The following BEND4 variants were observed in gnomAD, a reference collection of about 807,000 sequenced individuals.
BEND4 encodes BEN domain-containing protein 4.
BEND4 carries 27 observed loss-of-function variants against 54.7 expected under a neutral mutation model. The observed-to-expected ratio is 0.49, with a 90% CI of 0.36 to 0.68. BEND4 has a LOEUF of 0.68. Among genes scored for constraint, BEND4 ranks in the 30% least tolerant of loss-of-function variants. The pLI is 0.00. For synonymous variants in BEND4, 327 were observed against 299.5 expected (o/e 1.09, Z -0.95); for missense variants, 702 against 697.2 (o/e 1.01, Z -0.08).
chr4:42,150,235 C>A (rs1313091228), intron 2 of BEND4, among the ~76,000 whole-genome samples: 1 of 152,070 alleles, frequency 6.6e-6, no homozygotes, highest in Non-Finnish European at 1.5e-5. Context: ...GGAGGAAAAT[C>A]AAGTGAGCCA....
rs904472377 is a variant in BEND4, at chr4:42,116,845, T to C, written c.*673A>G. On this transcript the variant is annotated 3_prime_UTR_variant, in exon 6 of 6. Transcript: ENST00000502486. ...TCTTTGGATGTTTCTTGACTAACAATGAAAAATGACTACTGTTTGTAAACT... is the reference window on the plus strand; with the variant it reads ...TCTTTGGATGTTTCTTGACTAACAACGAAAAATGACTACTGTTTGTAAACT... The C allele has an allele frequency of 1.3e-5, 2 of 152,198 alleles. No homozygotes were observed. The highest frequency in any genetic ancestry group is 2.1e-4 in the South Asian group (1 of 4,836). 9.4% of individuals were successfully genotyped at this position (152,198 alleles called of 1,614,324 possible).
intron 5 of BEND4, among the ~76,000 whole-genome samples, chr4:42,118,075 T>G (rs779248987): frequency 3.0e-4 from 46 of 152,174 alleles, no homozygotes; most frequent in Non-Finnish European, 5.7e-4. Flanking sequence ...AAAACCCAAG[T>G]TGTTACCTGC....
intron 2 of BEND4, among the ~76,000 whole-genome samples, chr4:42,148,041 C>G (rs1215522325): frequency 6.6e-6 from 1 of 152,066 alleles, no homozygotes; most frequent in African/African-American, 2.4e-5. Flanking sequence ...AATGCAGAAG[C>G]AGAAATTTTT....
chr4:42,117,528 G>T lies in BEND4; in HGVS notation c.1595C>A (p.Ser532Tyr), dbSNP rs187366202. 3.0e-5 allele frequency: 49 copies of T among 1,609,410 alleles called. No homozygotes were observed. The East Asian group carries it at 1.1e-3, about 36-fold the overall frequency. Reference sequence around the variant, plus strand: ...GGAAGATTCTGTCCACTAATCCCCAGATCCATCCTGGGAACTTTTATTGAA... The same window carrying T: ...GGAAGATTCTGTCCACTAATCCCCATATCCATCCTGGGAACTTTTATTGAA... ...EVFNKSSQDG[S>Y]GD Residue 532 changes from serine to tyrosine, a missense_variant, in exon 6 of 6, where the codon TCT (serine) becomes TAT (tyrosine). Physicochemically the swap from Ser to Tyr is moderately radical, Grantham distance 144 (BLOSUM62 -2). Coordinates refer to ENST00000502486, the MANE Select transcript of BEND4 (RefSeq NM_207406.4).
chr4:42,141,258 A>C (rs1170804654), intron 3 of BEND4, among the ~76,000 whole-genome samples: 2 of 152,226 alleles, frequency 1.3e-5, no homozygotes, highest in African/African-American at 4.8e-5. Context: ...CACTTAATCT[A>C]ATTCCAAAAT....
At chr4:42,123,710 A>AAAAAAC (rs1720157632) in intron 4 of BEND4, among the ~76,000 whole-genome samples, 1 of 151,324 alleles carries the variant, frequency 6.6e-6, no homozygotes, top group African/African-American at 2.4e-5. Context: ...AAAAAAAAAA[A>AAAAAAC]AAAAAAACAA....
chr4:42,141,056 C>T (rs532949520), intron 3 of BEND4, among the ~76,000 whole-genome samples: 3 of 152,306 alleles, frequency 2.0e-5, no homozygotes, highest in East Asian at 1.9e-4. Context: ...AACCATGTCT[C>T]GGACTTGGGG....
Position 42,115,118 on chromosome 4 carries a change from A to G in BEND4, c.*2400T>C, listed in dbSNP as rs77163218. 6.6e-6 allele frequency: 1 copy of G among 152,298 alleles called. No homozygotes were observed. Among genetic ancestry groups the G allele is most frequent in the Non-Finnish European group, 1.5e-5 (1 of 68,072 alleles). The allele number at this position is 152,298 out of a possible 1,614,324, so 9.4% of individuals were successfully genotyped here. On this transcript the variant is annotated 3_prime_UTR_variant, in exon 6 of 6. Coordinates refer to ENST00000502486, the MANE Select transcript of BEND4 (RefSeq NM_207406.4). ...AGTATGGAGTCTGTCAGCCTTGTGC[A>G]AAAGAGATGCCCAACAATTAGTCTC... is the stretch of plus-strand genomic sequence containing the variant.
In BEND4 at chr4:42,152,006, C is replaced by T; in HGVS notation, c.138G>A (p.Leu46=). 1 of 1,253,620 alleles carries T rather than the reference C, an allele frequency of 8.0e-7. No individual in the cohort carries two copies. The highest frequency in any genetic ancestry group is 1.0e-6 in the Non-Finnish European group (1 of 993,598). 77.7% of individuals were successfully genotyped at this position (1,253,620 alleles called of 1,614,324 possible). A position where few individuals can be genotyped will look rare whatever the true frequency, so the allele number is the denominator to read the frequency against. Residue 46 remains leucine, a synonymous_variant, in exon 2 of 6, where the codon CTG becomes CTA. Coordinates refer to ENST00000502486, the MANE Select transcript of BEND4 (RefSeq NM_207406.4). ...GCGCCCGCACGTGCGGCAGCTCCAC[C>T]AGGGTGGGTCGCTCGTAGCGCTTGG... The part of the protein sequence containing the change: ...ALAKRYERPT[L]VELPHVRAPP...
rs1469739492 is a variant in BEND4 at position 42,113,924 on chromosome 4, G to C, written c.*3594C>G. On this transcript the variant is annotated 3_prime_UTR_variant, in exon 6 of 6. Transcript: ENST00000502486. Reference sequence around the variant, plus strand: ...AGCTTAATGAAACATAAATGGTAACGGTCACCTAAATGCTGTGGTGGAATG... The same window carrying C: ...AGCTTAATGAAACATAAATGGTAACCGTCACCTAAATGCTGTGGTGGAATG... 6.6e-6 allele frequency: 1 copy of C among 152,096 alleles called. No homozygotes were observed. The highest frequency in any genetic ancestry group is 1.5e-5 in the Non-Finnish European group (1 of 68,022). The allele number at this position is 152,096 out of a possible 1,614,324, so 9.4% of individuals were successfully genotyped here.
At chr4:42,128,861 G>A (rs959990826) in intron 3 of BEND4, among the ~76,000 whole-genome samples, 1 of 152,010 alleles carries the variant, frequency 6.6e-6, no homozygotes, top group South Asian at 2.1e-4. Flanking sequence ...GCGTGAACTC[G>A]GGAGGCGGAG....
At chr4:42,151,482 G>A in intron 2 of BEND4, 175 bp downstream of exon 2, 1 of 597,020 alleles carries the variant, frequency 1.7e-6, no homozygotes, top group Non-Finnish European at 2.5e-6. Context: ...AGGCGCGGCG[G>A]CGCTGGAGAA....
intron 2 of BEND4, among the ~76,000 whole-genome samples, chr4:42,146,167 GC>G (rs1721075029): frequency 6.6e-6 from 1 of 152,130 alleles, no homozygotes; most frequent in Non-Finnish European, 1.5e-5. Context: ...CACTCAAACT[GC>G]TTTAAAGATC....
At chr4:42,125,200 A>G (rs1293395419) in intron 4 of BEND4, among the ~76,000 whole-genome samples, 6 of 152,194 alleles carry the variant, frequency 3.9e-5, no homozygotes, top group African/African-American at 7.2e-5. Flanking sequence ...GAAAATGCCT[A>G]TCTGCACACT....
intron 2 of BEND4, among the ~76,000 whole-genome samples, chr4:42,144,294 GAACTCA>G (rs1338158937): frequency 6.6e-6 from 1 of 152,160 alleles, no homozygotes; most frequent in Admixed American, 6.5e-5. Flanking sequence ...GCACAGGTCT[GAACTCA>G]CACCTTTGGT....
Position 42,111,069 on chromosome 4 carries a change from C to T in BEND4, c.*6449G>A, listed in dbSNP as rs1484779756. ...AATAATTGGCTCTAGTAACAAATGTCTCTTATAATTAAAAATATTGAATGT... is the reference window on the plus strand; with the variant it reads ...AATAATTGGCTCTAGTAACAAATGTTTCTTATAATTAAAAATATTGAATGT... On this transcript the variant is annotated 3_prime_UTR_variant, in exon 6 of 6. Coordinates refer to ENST00000502486, the MANE Select transcript of BEND4 (RefSeq NM_207406.4). 1 of 152,144 alleles carries T rather than the reference C, an allele frequency of 6.6e-6. No individual in the cohort carries two copies. The highest frequency in any genetic ancestry group is 1.5e-5 in the Non-Finnish European group (1 of 68,020). The allele number at this position is 152,144 out of a possible 1,614,324, so 9.4% of individuals were successfully genotyped here.
In BEND4 at chr4:42,120,172, G is replaced by A; in HGVS notation, c.1269C>T (p.Phe423=). ...RLLRYLIRFV[F]TTDELKYSCG... ...ATGAGTACTTAAGCTCATCGGTTGT[G>A]AAAACAAATCTGATGAGGTATCGAA... Residue 423 remains phenylalanine, a synonymous_variant, in exon 5 of 6, where the codon TTC becomes TTT. Transcript: ENST00000502486. 1 of 1,613,980 alleles carries A rather than the reference G, an allele frequency of 6.2e-7. No individual in the cohort carries two copies. The highest frequency in any genetic ancestry group is 8.5e-7 in the Non-Finnish European group (1 of 1,179,894).
intron 3 of BEND4, among the ~76,000 whole-genome samples, chr4:42,131,213 C>T (rs568576937): frequency 1.8e-4 from 28 of 152,082 alleles, no homozygotes; most frequent in Admixed American, 5.9e-4. Context: ...ACATGTATCC[C>T]GGAACTTAAA....
chr4:42,147,481 C>CT (rs71664398), intron 2 of BEND4, among the ~76,000 whole-genome samples: 5,624 of 131,922 alleles, frequency 0.043, 157 homozygotes, highest in African/African-American at 0.07. Context: ...ATTTTTTTAA[C>CT]TTTTTTTTTT....
Sources: allele counts gnomAD v4.1 joint callset (sites outside exome capture counted in the v4.1 genomes callset), GRCh38; gene constraint gnomAD v4.1.1; transcripts MANE v1.5; gene names NCBI Gene and HGNC (gene_info 2026-07-23, HGNC 2026-07-21).